The following SOX5 variants were observed in gnomAD, a reference collection of about 807,000 sequenced individuals.
SOX5 encodes the protein transcription factor SOX-5.
In SOX5, 9 loss-of-function variants were observed where a neutral mutation model predicts 92.0. The observed-to-expected ratio is 0.10, with a 90% confidence interval of 0.06 to 0.17. SOX5 has a LOEUF of 0.17. Ranked by LOEUF, SOX5 falls within the 10% of genes least tolerant of loss-of-function variation. The pLI, the probability that SOX5 is intolerant of heterozygous loss-of-function variation, is 1.00. For missense variants in SOX5, 642 were observed against 944.5 expected (o/e 0.68, Z 4.20); for synonymous variants, 344 against 336.3 (o/e 1.02, Z -0.25).
At chr12:24,334,857 A>T (rs1951712733) in intron 2 of SOX5, among the ~76,000 whole-genome samples, 2 of 152,114 alleles carry the variant, frequency 1.3e-5, no homozygotes, top group African/African-American at 2.4e-5. Flanking sequence ...ATCAAAATCA[A>T]TTAAATGATA....
At chr12:24,096,115 T>G (rs1398501600) in intron 4 of SOX5, among the ~76,000 whole-genome samples, 1 of 152,144 alleles carries the variant, frequency 6.6e-6, no homozygotes, top group Admixed American at 6.5e-5. Context: ...ATGGAAAAAA[T>G]TTTTAAACAT....
At chr12:23,866,581 T>C (rs2096817118) in intron 2 of SOX5, among the ~76,000 whole-genome samples, 1 of 152,198 alleles carries the variant, frequency 6.6e-6, no homozygotes, top group Admixed American at 6.5e-5. Flanking sequence ...TTCTCTTTAT[T>C]GTGGTAGTGT....
chr12:23,838,843 T>C (rs79599779), intron 3 of SOX5, among the ~76,000 whole-genome samples: 1 of 38,150 alleles, frequency 2.6e-5, no homozygotes, highest in African/African-American at 9.9e-5. Context: ...TCTTTTTTTT[T>C]GGGGGGGGGG....
At chr12:24,450,259 T>C (rs1456370364) in intron 1 of SOX5, among the ~76,000 whole-genome samples, 2 of 152,202 alleles carry the variant, frequency 1.3e-5, no homozygotes, top group African/African-American at 4.8e-5. Context: ...CCACAGTAAG[T>C]AATGTGTGGG....
In SOX5 at chr12:23,983,935, C is replaced by G. The variant is rs987947669; in HGVS notation, c.-1-87911G>C. 4.7e-4 allele frequency among the ~76,000 whole-genome samples: 72 copies of G among 152,158 alleles called. 1 individual carries two copies. The highest frequency in any genetic ancestry group is 1.6e-3 in the African/African-American group (67 of 41,516). The stretch of plus-strand genomic sequence containing the variant: ...AAACAACAAAATAAACCTCAATGTG[C>G]AGCTTGGGAAATCCAAATCCACCTG... On this transcript the variant is annotated intron_variant, in intron 4 of 4. Transcript: ENST00000446891.
intron 1 of SOX5, among the ~76,000 whole-genome samples, chr12:24,557,214 C>T (rs1179854007): frequency 6.6e-6 from 1 of 151,726 alleles, no homozygotes; most frequent in Non-Finnish European, 1.5e-5. Context: ...ATAGTGAAAC[C>T]CCACCTCTAC....
At chr12:23,979,910 T>A (rs61910023) in intron 4 of SOX5, among the ~76,000 whole-genome samples, 78,024 of 119,422 alleles carry the variant, frequency 0.65, 24,849 homozygotes, top group East Asian at 0.82. Flanking sequence ...GCTGGCTGGC[T>A]GGCCAGACAG....
intron 4 of SOX5, among the ~76,000 whole-genome samples, chr12:23,974,256 T>C (rs1047703993): frequency 6.6e-6 from 1 of 152,212 alleles, no homozygotes; most frequent in African/African-American, 2.4e-5. Flanking sequence ...GTTTTCTTTA[T>C]CCATTCATCT....
intron 1 of SOX5, among the ~76,000 whole-genome samples, chr12:24,450,374 A>G (rs960620930): frequency 6.6e-6 from 1 of 152,160 alleles, no homozygotes; most frequent in African/African-American, 2.4e-5. Context: ...AGGTATATAT[A>G]TTTACGAGCT....
intron 4 of SOX5, among the ~76,000 whole-genome samples, chr12:24,172,094 C>CGCGCGCGCATGTGTGTCT (rs1954260705): frequency 3.2e-5 from 4 of 123,694 alleles, no homozygotes; most frequent in South Asian, 4.9e-4. Context: ...TGTGTGTGTG[C>CGCGCGCGCATGTGTGTCT]GTGCGCGCGT....
At chr12:24,172,624 G>A (rs1954335182) in intron 4 of SOX5, among the ~76,000 whole-genome samples, 1 of 152,138 alleles carries the variant, frequency 6.6e-6, no homozygotes, top group African/African-American at 2.4e-5. Flanking sequence ...GGAAATTAGT[G>A]AGAAGTGTTG....
chr12:23,535,830 G>A (rs1265532772), intron 14 of SOX5, among the ~76,000 whole-genome samples: 3 of 152,304 alleles, frequency 2.0e-5, no homozygotes, highest in Admixed American at 6.5e-5. Context: ...GGGTTTTTGA[G>A]AGAATTCTAT....
At position 23,723,596 on chromosome 12, in the gene SOX5, A is replaced by G. The variant is rs1042162898; in HGVS notation, c.810+11088T>C. Among the ~76,000 whole-genome samples, 16 of 150,626 alleles carry G rather than the reference A, an allele frequency of 1.1e-4. No homozygotes were observed. In the East Asian group the frequency reaches 1.2e-3, roughly 11 times the overall value. ...TATATATATATACACACACACACACACACGCACTCACACACACACAAACAC... is the reference window on the plus strand; with the variant it reads ...TATATATATATACACACACACACACGCACGCACTCACACACACACAAACAC... On this transcript the variant is annotated intron_variant, in intron 6 of 14. Coordinates refer to ENST00000451604, the MANE Select transcript of SOX5 (RefSeq NM_006940.6).
intron 4 of SOX5, among the ~76,000 whole-genome samples, chr12:24,054,533 A>G (rs1425301259): frequency 1.3e-5 from 2 of 152,160 alleles, no homozygotes; most frequent in Admixed American, 6.5e-5. Context: ...AACAACAATA[A>G]TTTTTAAAAT....
intron 4 of SOX5, among the ~76,000 whole-genome samples, chr12:24,006,917 T>A (rs1489969553): frequency 6.6e-6 from 1 of 151,682 alleles, no homozygotes; most frequent in Non-Finnish European, 1.5e-5. Flanking sequence ...GAGGATCACC[T>A]GAGGTCAGGA....
At chr12:24,272,075 GAGAA>G (rs1943829818) in intron 3 of SOX5, among the ~76,000 whole-genome samples, 1 of 152,102 alleles carries the variant, frequency 6.6e-6, no homozygotes, top group South Asian at 2.1e-4. Context: ...ATCAATAAGG[GAGAA>G]AGAGACATCT....
intron 1 of SOX5, among the ~76,000 whole-genome samples, chr12:24,505,860 T>TGTGTGCGCGC (rs1566334446): frequency 4.0e-5 from 5 of 123,842 alleles, no homozygotes; most frequent in African/African-American, 8.5e-5. Flanking sequence ...TGTGCGTGTG[T>TGTGTGCGCGC]GTGTGTGTGT....
chr12:24,256,189 A>G (rs1941129480), intron 3 of SOX5, among the ~76,000 whole-genome samples: 1 of 152,242 alleles, frequency 6.6e-6, no homozygotes, highest in Non-Finnish European at 1.5e-5. Context: ...CAGACATTAT[A>G]TCTTTCATAA....
intron 1 of SOX5, among the ~76,000 whole-genome samples, chr12:24,410,060 C>T (rs1208975197): frequency 1.3e-5 from 2 of 151,618 alleles, no homozygotes; most frequent in Admixed American, 6.6e-5. Context: ...TGCAGTTGTG[C>T]AATCAAGGCT....
Sources: gnomAD v4.1 joint callset for allele counts (sites outside exome capture counted in the v4.1 genomes callset) on GRCh38, gnomAD v4.1.1 for gene constraint, MANE v1.5 for transcripts, NCBI Gene and HGNC (gene_info 2026-07-23, HGNC 2026-07-21) for gene names.